The following ZNRF1 variants were observed in gnomAD, a reference collection of about 807,000 sequenced individuals.
ZNRF1 encodes the protein E3 ubiquitin-protein ligase ZNRF1.
ZNRF1 carries 3 observed loss-of-function variants against 18.4 expected under a neutral mutation model. That is an observed-to-expected ratio of 0.16 (90% CI 0.07 to 0.42). The LOEUF (loss-of-function observed/expected upper bound fraction) is 0.42. Ranked by LOEUF, ZNRF1 falls within the 10% of genes least tolerant of loss-of-function variation. The pLI is 0.99. For synonymous variants in ZNRF1, 157 were observed against 144.2 expected (o/e 1.09, Z -0.64); for missense variants, 310 against 329.8 (o/e 0.94, Z 0.47).
chr16:75,099,884 C>T (rs2036236659), intron 2 of ZNRF1, among the ~76,000 whole-genome samples: 1 of 152,220 alleles, frequency 6.6e-6, no homozygotes, highest in African/African-American at 2.4e-5. Context: ...ATTTCCACTT[C>T]CCTGCTAGGC....
chr16:75,030,636 G>A (rs1455215826), intron 1 of ZNRF1, among the ~76,000 whole-genome samples: 1 of 151,950 alleles, frequency 6.6e-6, no homozygotes, highest in East Asian at 1.9e-4. Context: ...ATAACCATTA[G>A]CAGTAGCTCT....
intron 3 of ZNRF1, 100 bp from the exon 4 acceptor site, chr16:75,106,382 T>G: frequency 8.0e-7 from 1 of 1,247,020 alleles, no homozygotes; most frequent in Non-Finnish European, 1.2e-6. Flanking sequence ...AGAAGAGACT[T>G]AGGAAGCTCC....
chr16:75,093,077 C>G (rs1372922078), intron 1 of ZNRF1, among the ~76,000 whole-genome samples: 1 of 152,144 alleles, frequency 6.6e-6, no homozygotes, highest in Admixed American at 6.5e-5. Flanking sequence ...GGCAGTCAGT[C>G]AAAGGCTGCA....
At chr16:75,042,593 A>G (rs889400351) in intron 1 of ZNRF1, among the ~76,000 whole-genome samples, 2 of 151,866 alleles carry the variant, frequency 1.3e-5, no homozygotes, top group African/African-American at 4.8e-5. Flanking sequence ...ATTCTGTTCC[A>G]TTGATTTATG....
rs570191796 is a variant in ZNRF1 at position 75,088,012 on chromosome 16, G to C, written c.425-5560G>C. Among the ~76,000 whole-genome samples the C allele has an allele frequency of 8.5e-5, 13 of 152,350 alleles. No homozygotes were observed. In the East Asian group the frequency reaches 2.5e-3, roughly 29 times the overall value. ...GCTCTGAGTGCTGATGAAGGTCTCCGAGGAAGTTTGACAAAATCATGCAGG... is the reference window on the plus strand; with the variant it reads ...GCTCTGAGTGCTGATGAAGGTCTCCCAGGAAGTTTGACAAAATCATGCAGG... On this transcript the variant is annotated intron_variant, in intron 1 of 4. Transcript: ENST00000335325.
At chr16:75,023,208 C>T (rs532586502) in intron 1 of ZNRF1, among the ~76,000 whole-genome samples, 1 of 152,172 alleles carries the variant, frequency 6.6e-6, no homozygotes, top group Non-Finnish European at 1.5e-5. Context: ...GTAATTAACT[C>T]ATCTTTTCTC....
At chr16:75,003,419 A>G (rs973349027) in intron 1 of ZNRF1, among the ~76,000 whole-genome samples, 7 of 152,168 alleles carry the variant, frequency 4.6e-5, no homozygotes, top group Admixed American at 3.3e-4. Flanking sequence ...TTTTGAGTAC[A>G]TGAATTTGAG....
intron 1 of ZNRF1, among the ~76,000 whole-genome samples, chr16:75,008,692 T>C (rs924967342): frequency 6.6e-6 from 1 of 152,220 alleles, no homozygotes; most frequent in African/African-American, 2.4e-5. Flanking sequence ...TATATATATT[T>C]ATTATAGAGC....
chr16:75,093,419 A>T (rs1271969543), intron 1 of ZNRF1, among the ~76,000 whole-genome samples, 153 bp from the exon 2 acceptor site: 2 of 151,006 alleles, frequency 1.3e-5, no homozygotes, highest in African/African-American at 2.4e-5. Context: ...TGCTCAAATG[A>T]GTCCTTGAAG....
intron 1 of ZNRF1, chr16:75,000,305 C>A: frequency 2.6e-6 from 2 of 775,114 alleles, no homozygotes; most frequent in Non-Finnish European, 2.2e-6. Flanking sequence ...TAGGGACTCA[C>A]GGCGTGTGTT....
intron 1 of ZNRF1, among the ~76,000 whole-genome samples, chr16:75,082,123 C>CTTGAA (rs1197568316): frequency 6.6e-6 from 1 of 152,162 alleles, no homozygotes; most frequent in African/African-American, 2.4e-5. Context: ...TTAAAGCAAT[C>CTTGAA]CTCCTGCCTC....
Position 75,109,798 on chromosome 16 carries a change from G to A in ZNRF1, c.*2098G>A, listed in dbSNP as rs892214809. ...TGGGGGCTGGGGGAGCTGCCCTGCA[G>A]GTCTTGGCACATGCACAGCAGGCTC... On this transcript the variant is annotated 3_prime_UTR_variant, in exon 5 of 5. Transcript: ENST00000335325. 1.3e-5 allele frequency: 2 copies of A among 152,322 alleles called. No individual in the cohort carries two copies. The highest frequency in any genetic ancestry group is 2.9e-5 in the Non-Finnish European group (2 of 68,104). The allele number at this position is 152,322 out of a possible 1,614,324, so 9.4% of individuals were successfully genotyped here. A position where few individuals can be genotyped will look rare whatever the true frequency, so the allele number is the denominator to read the frequency against.
At chr16:75,003,322 G>C (rs190131155) in intron 1 of ZNRF1, among the ~76,000 whole-genome samples, 1 of 152,162 alleles carries the variant, frequency 6.6e-6, no homozygotes, top group East Asian at 1.9e-4. Context: ...TCTGTGTATG[G>C]TTTGCCTAAA....
Position 75,090,439 on chromosome 16 carries a change from A to C in ZNRF1, c.425-3133A>C, listed in dbSNP as rs2036123652. On this transcript the variant is annotated intron_variant, in intron 1 of 4. Transcript: ENST00000335325. ...CACTGTGTTGCCCGGGCAGGTCTCA[A>C]ACTCCTGAGTCCAAGTGATCCTCCC... Among the ~76,000 whole-genome samples the C allele has an allele frequency of 2.0e-5, 3 of 152,034 alleles. No individual in the cohort carries two copies. In the South Asian group the frequency reaches 6.2e-4, roughly 32 times the overall value.
chr16:75,046,483 C>G (rs1322446665), intron 1 of ZNRF1, among the ~76,000 whole-genome samples: 1 of 152,008 alleles, frequency 6.6e-6, no homozygotes, highest in Non-Finnish European at 1.5e-5. Flanking sequence ...AACTCCTGAC[C>G]TCAGGTGATC....
chr16:75,110,643 AG>A lies in ZNRF1; in HGVS notation c.*2944del. The A allele has an allele frequency of 6.6e-6, 1 of 152,392 alleles. No individual in the cohort carries two copies. Among genetic ancestry groups the A allele is most frequent in the East Asian group, 1.9e-4 (1 of 5,194 alleles). The allele number at this position is 152,392 out of a possible 1,614,324, so 9.4% of individuals were successfully genotyped here. On this transcript the variant is annotated 3_prime_UTR_variant, in exon 5 of 5. Transcript: ENST00000335325. ...TGCAGTGGCTGGTATTTCAGTGAAC[AG>A]TGTACTTGTTCTTTCAACTTTTCTG...
At chr16:75,097,479 A>G (rs2036212696) in intron 2 of ZNRF1, among the ~76,000 whole-genome samples, 1 of 152,096 alleles carries the variant, frequency 6.6e-6, no homozygotes, top group African/African-American at 2.4e-5. Context: ...GCCAAAGGCC[A>G]TTGCCCCCAT....
At chr16:75,073,491 T>A (rs938235457) in intron 1 of ZNRF1, among the ~76,000 whole-genome samples, 4 of 152,188 alleles carry the variant, frequency 2.6e-5, no homozygotes, top group African/African-American at 7.2e-5. Flanking sequence ...GCCAACCATG[T>A]CAATATGTTT....
At chr16:75,048,619 G>T (rs992603688) in intron 1 of ZNRF1, among the ~76,000 whole-genome samples, 8 of 152,128 alleles carry the variant, frequency 5.3e-5, no homozygotes, top group Non-Finnish European at 1.0e-4. Context: ...TTTGTAACTT[G>T]TCGGCTCTCG....
Sources: allele counts gnomAD v4.1 joint callset (sites outside exome capture counted in the v4.1 genomes callset), GRCh38; gene constraint gnomAD v4.1.1; transcripts MANE v1.5; gene names NCBI Gene and HGNC (gene_info 2026-07-23, HGNC 2026-07-21).